Variants in GSE1 observed in about 807,000 individuals in gnomAD.
The protein encoded by GSE1 is Gse1 coiled-coil protein.
In GSE1, 32 loss-of-function variants were observed where a neutral mutation model predicts 112.6. The ratio of observed to expected loss-of-function variants is 0.28; its 90% CI spans 0.21 to 0.38. The LOEUF (loss-of-function observed/expected upper bound fraction) is 0.38. Ranked by LOEUF, GSE1 falls within the 10% of genes least tolerant of loss-of-function variation. The pLI is 1.00. For synonymous variants in GSE1, 1,115 were observed against 735.6 expected, an observed-to-expected ratio of 1.52 and a Z score of -8.35; for missense variants, 2,348 against 1,699.2, an observed-to-expected ratio of 1.38 and a Z score of -6.71.
At chr16:85,583,106 T>TC (rs1047413206) in intron 1 of GSE1, among the ~76,000 whole-genome samples, 1 of 152,074 alleles carries the variant, frequency 6.6e-6, no homozygotes, top group African/African-American at 2.4e-5. Flanking sequence ...GAGGGTGGTG[T>TC]CCTGGGGGTC....
intron 2 of GSE1, among the ~76,000 whole-genome samples, chr16:85,463,686 G>A (rs1009556092): frequency 6.6e-6 from 1 of 152,182 alleles, no homozygotes; most frequent in Non-Finnish European, 1.5e-5. Context: ...TCAGCTCTCT[G>A]GGGAGAACTC....
intron 2 of GSE1, among the ~76,000 whole-genome samples, chr16:85,483,908 A>G (rs2326520): frequency 0.11 from 16,679 of 152,216 alleles, 2,991 homozygotes; most frequent in African/African-American, 0.38. Context: ...TCACGGGTAC[A>G]ACTCTGCTGC....
At chr16:85,195,318 G>C (rs762036063) in intron 1 of GSE1, among the ~76,000 whole-genome samples, 1 of 152,208 alleles carries the variant, frequency 6.6e-6, no homozygotes, top group Non-Finnish European at 1.5e-5. Context: ...GTGCCACCGG[G>C]CAGGCGAGTT....
chr16:85,560,974 C>G (rs1158598571), intron 1 of GSE1, among the ~76,000 whole-genome samples: 4 of 152,086 alleles, frequency 2.6e-5, no homozygotes, highest in Middle Eastern at 3.4e-3. Flanking sequence ...ACAAAAAATG[C>G]AGAAACAATT....
In GSE1 at chr16:85,236,520, G is replaced by A. The variant is rs117795319; in HGVS notation, c.2283+64713G>A. On this transcript the variant is annotated intron_variant, in intron 1 of 2. Transcript: ENST00000637419. ...TTGTGGGGAGAACGGCCTGTGCATA[G>A]GCCTGGGTGTGGGTACCTTCCGTGT... is the stretch of plus-strand genomic sequence containing the variant. 6.9e-4 allele frequency among the ~76,000 whole-genome samples: 105 copies of A among 152,342 alleles called. No individual in the cohort carries two copies. The East Asian group carries it at 0.014, about 20-fold the overall frequency.
chr16:85,420,313 C>T (rs936769208), intron 2 of GSE1, among the ~76,000 whole-genome samples: 8 of 152,118 alleles, frequency 5.3e-5, no homozygotes, highest in Non-Finnish European at 1.2e-4. Flanking sequence ...GCCCTGCGGA[C>T]ACCTTGATTT....
intron 1 of GSE1, among the ~76,000 whole-genome samples, chr16:85,290,653 G>A (rs986016387): frequency 6.6e-6 from 1 of 152,064 alleles, no homozygotes; most frequent in African/African-American, 2.4e-5. Context: ...AACATACACC[G>A]CTGTTTGTAA....
chr16:85,588,325 T>C (rs1405956118), intron 1 of GSE1, among the ~76,000 whole-genome samples: 2 of 152,190 alleles, frequency 1.3e-5, no homozygotes, highest in Non-Finnish European at 2.9e-5. Context: ...AGGCAGCACA[T>C]GCTCACTGGC....
At chr16:85,422,410 C>T (rs1294072052) in intron 2 of GSE1, among the ~76,000 whole-genome samples, 5 of 151,722 alleles carry the variant, frequency 3.3e-5, no homozygotes, top group African/African-American at 9.7e-5. Context: ...TGAGGGATGT[C>T]GGTTCCTCCC....
chr16:85,230,088 C>T (rs1904274607), intron 1 of GSE1, among the ~76,000 whole-genome samples: 1 of 152,222 alleles, frequency 6.6e-6, no homozygotes. Flanking sequence ...GCTGAGTCCC[C>T]TGCTCCATCA....
At chr16:85,225,019 T>C (rs919780507) in intron 1 of GSE1, among the ~76,000 whole-genome samples, 1 of 151,872 alleles carries the variant, frequency 6.6e-6, no homozygotes, top group East Asian at 1.9e-4. Flanking sequence ...TAGCCCCAGC[T>C]ACGTGGGAGG....
In GSE1 at chr16:85,654,874, C is replaced by G. The variant is rs750227376; in HGVS notation, c.680C>G (p.Thr227Ser). 47 of 1,611,526 alleles carry G rather than the reference C, an allele frequency of 2.9e-5. No individual in the cohort carries two copies. The highest frequency in any genetic ancestry group is 5.5e-5 in the South Asian group (5 of 91,036). ...CTGAGAAGCTTCCGGCCCTACCACA[C>G]CACCGACGACCTCCGCATGTCCTCA... ...DYLRSFRPYH[T>S]TDDLRMSSLP... Residue 227 changes from threonine (T) to serine (S), a missense_variant, in exon 5 of 16, where the codon ACC becomes AGC. Coordinates refer to ENST00000253458, the MANE Select transcript of GSE1 (RefSeq NM_014615.5).
intron 2 of GSE1, among the ~76,000 whole-genome samples, chr16:85,388,376 G>GTGGGTGGATGGA (rs1391875539): frequency 1.6e-5 from 1 of 60,762 alleles, no homozygotes; most frequent in African/African-American, 7.7e-5. Flanking sequence ...GGGCGGGTGG[G>GTGGGTGGATGGA]TGGATGGATG....
At chr16:85,354,398 G>C (rs2046908974) in intron 1 of GSE1, among the ~76,000 whole-genome samples, 2 of 152,278 alleles carry the variant, frequency 1.3e-5, no homozygotes. Context: ...CCCTAGATCA[G>C]TGCCTGGCAC....
At chr16:85,211,636 C>G (rs1315696019) in intron 1 of GSE1, among the ~76,000 whole-genome samples, 1 of 152,144 alleles carries the variant, frequency 6.6e-6, no homozygotes, top group Non-Finnish European at 1.5e-5. Flanking sequence ...CCACTTGGAG[C>G]TGTGTGGTTC....
intron 2 of GSE1, among the ~76,000 whole-genome samples, chr16:85,377,281 G>A (rs890555127): frequency 2.0e-5 from 3 of 152,194 alleles, no homozygotes; most frequent in Non-Finnish European, 4.4e-5. Context: ...TGCGGTGTCT[G>A]AATTGCAGGG....
chr16:85,241,156 ACCTTGGGCTCG>A (rs1339357966), intron 1 of GSE1, among the ~76,000 whole-genome samples: 41 of 101,832 alleles, frequency 4.0e-4, no homozygotes, highest in Non-Finnish European at 9.6e-5. Flanking sequence ...TAGCTGCGTG[ACCTTGGGCTCG>A]GCTGCGTGAC....
chr16:85,454,028 G>T (rs2049757476), intron 2 of GSE1, among the ~76,000 whole-genome samples: 1 of 152,190 alleles, frequency 6.6e-6, no homozygotes, highest in South Asian at 2.1e-4. Flanking sequence ...CTGCCCCACG[G>T]GCATCCAGCT....
intron 14 of GSE1, chr16:85,670,626 T>C (rs1375059488): frequency 1.3e-5 from 2 of 156,360 alleles, no homozygotes; most frequent in Admixed American, 1.3e-4. Context: ...GGCTTTATTT[T>C]ATTAATTAAA....
Sources: gnomAD v4.1 joint callset for allele counts (sites outside exome capture counted in the v4.1 genomes callset) on GRCh38, gnomAD v4.1.1 for gene constraint, MANE v1.5 for transcripts, NCBI Gene and HGNC (gene_info 2026-07-23, HGNC 2026-07-21) for gene names.